CNTN4: variants seen among roughly 807,000 people sequenced by gnomAD.
CNTN4 encodes the protein contactin-4.
CNTN4 carries 77 observed loss-of-function variants against 122.5 expected under a neutral mutation model. The ratio of observed to expected loss-of-function variants is 0.63; its 90% CI spans 0.52 to 0.76. CNTN4 has a LOEUF of 0.76. Among genes scored for constraint, CNTN4 ranks in the 30% least tolerant of loss-of-function variants. The pLI is 0.00. For synonymous variants in CNTN4, 512 were observed against 447.0 expected (o/e 1.15, Z -1.83); for missense variants, 1,256 against 1,259.1 (o/e 1.00, Z 0.04).
At chr3:2,998,578 G>A (rs901117017) in intron 14 of CNTN4, among the ~76,000 whole-genome samples, 1 of 151,996 alleles carries the variant, frequency 6.6e-6, no homozygotes, top group African/African-American at 2.4e-5. Context: ...ACAAAGGGAG[G>A]CAAAACTAAC....
chr3:2,246,829 A>G (rs1559376371), intron 2 of CNTN4, among the ~76,000 whole-genome samples: 1 of 151,782 alleles, frequency 6.6e-6, no homozygotes, highest in Admixed American at 6.6e-5. Context: ...TCTCAGGGGG[A>G]TTCAGGGAAT....
chr3:2,702,820 C>G (rs1429023256), intron 4 of CNTN4, among the ~76,000 whole-genome samples: 2 of 152,158 alleles, frequency 1.3e-5, no homozygotes, highest in African/African-American at 4.8e-5. Context: ...ACAAATTGAG[C>G]ACATTAGGCT....
intron 4 of CNTN4, among the ~76,000 whole-genome samples, chr3:2,694,897 A>T (rs984667504): frequency 4.6e-5 from 7 of 151,944 alleles, no homozygotes; most frequent in African/African-American, 1.5e-4. Flanking sequence ...GTATACTTCA[A>T]CCCCTCTCTT....
chr3:2,311,870 A>G (rs1304897764), intron 2 of CNTN4, among the ~76,000 whole-genome samples: 1 of 152,150 alleles, frequency 6.6e-6, no homozygotes, highest in Non-Finnish European at 1.5e-5. Flanking sequence ...TCCTTCATTT[A>G]AAGATAAACA....
intron 2 of CNTN4, among the ~76,000 whole-genome samples, chr3:2,299,612 T>C (rs1408782982): frequency 1.3e-5 from 2 of 152,120 alleles, no homozygotes. Flanking sequence ...TTATTAAGTA[T>C]GTTTATTTTA....
At chr3:2,903,674 T>C (rs976199248) in intron 12 of CNTN4, among the ~76,000 whole-genome samples, 1 of 152,232 alleles carries the variant, frequency 6.6e-6, no homozygotes, top group Non-Finnish European at 1.5e-5. Context: ...TTGGGTCAAC[T>C]ATTCCTATTA....
intron 2 of CNTN4, among the ~76,000 whole-genome samples, chr3:2,296,958 T>C (rs942215752): frequency 3.9e-5 from 6 of 152,184 alleles, no homozygotes; most frequent in African/African-American, 1.4e-4. Flanking sequence ...AAGAACTAGG[T>C]GACATTAAAG....
intron 6 of CNTN4, among the ~76,000 whole-genome samples, chr3:2,769,520 A>G (rs1449213961): frequency 6.6e-6 from 1 of 151,934 alleles, no homozygotes; most frequent in Non-Finnish European, 1.5e-5. Flanking sequence ...ATTAAAGGAC[A>G]GTTTTTCTGT....
At chr3:2,706,761 G>A (rs2086765961) in intron 4 of CNTN4, among the ~76,000 whole-genome samples, 1 of 151,884 alleles carries the variant, frequency 6.6e-6, no homozygotes, top group Admixed American at 6.6e-5. Context: ...AAATTGCTAG[G>A]GTAAGAACTA....
At chr3:2,206,087 A>C (rs2038328830) in intron 2 of CNTN4, among the ~76,000 whole-genome samples, 2 of 152,060 alleles carry the variant, frequency 1.3e-5, no homozygotes, top group South Asian at 4.1e-4. Context: ...ACAAGCTCTT[A>C]CAATGTTCTT....
At chr3:2,738,122 T>C (rs971243042) in intron 5 of CNTN4, among the ~76,000 whole-genome samples, 1 of 152,010 alleles carries the variant, frequency 6.6e-6, no homozygotes, top group African/African-American at 2.4e-5. Flanking sequence ...CCAAACTAAT[T>C]GAAACTTTCA....
intron 4 of CNTN4, among the ~76,000 whole-genome samples, chr3:2,633,242 A>T (rs1306639543): frequency 6.6e-6 from 1 of 152,178 alleles, no homozygotes; most frequent in Non-Finnish European, 1.5e-5. Context: ...ATAAAACACA[A>T]CATAAATGAT....
At chr3:2,203,419 G>A (rs11921464) in intron 2 of CNTN4, among the ~76,000 whole-genome samples, 7,227 of 152,108 alleles carry the variant, frequency 0.048, 309 homozygotes, top group African/African-American at 0.12. Context: ...ATAATATCCA[G>A]ATTCTGCTTG....
intron 2 of CNTN4, among the ~76,000 whole-genome samples, chr3:2,117,957 CT>C (rs2033474343): frequency 6.6e-6 from 1 of 151,882 alleles, no homozygotes; most frequent in African/African-American, 2.4e-5. Context: ...TTTTAAATAT[CT>C]TTTTTTCTGA....
chr3:2,862,747 A>G (rs1297650044), intron 7 of CNTN4, among the ~76,000 whole-genome samples: 1 of 149,666 alleles, frequency 6.7e-6, no homozygotes, highest in Non-Finnish European at 1.5e-5. Context: ...GTTGCAGCAC[A>G]GAAAAGTTTA....
At chr3:2,192,313 C>T (rs892072922) in intron 2 of CNTN4, among the ~76,000 whole-genome samples, 11 of 152,038 alleles carry the variant, frequency 7.2e-5, no homozygotes, top group East Asian at 1.9e-4. Flanking sequence ...ACACTGTCTT[C>T]CACAATGGTT....
intron 4 of CNTN4, among the ~76,000 whole-genome samples, chr3:2,681,843 C>G (rs1224645801): frequency 6.6e-6 from 1 of 151,956 alleles, no homozygotes; most frequent in Non-Finnish European, 1.5e-5. Flanking sequence ...TCCTAAAATA[C>G]TGCTTAATTA....
chr3:2,154,323 T>C (rs1487442835), intron 2 of CNTN4, among the ~76,000 whole-genome samples: 1 of 151,634 alleles, frequency 6.6e-6, no homozygotes, highest in African/African-American at 2.4e-5. Context: ...GAGGTGGAGA[T>C]TGCAGTGAGC....
intron 13 of CNTN4, among the ~76,000 whole-genome samples, chr3:2,942,209 A>G (rs1398284901): frequency 2.0e-5 from 3 of 152,220 alleles, no homozygotes; most frequent in Non-Finnish European, 4.4e-5. Flanking sequence ...CACGAGGACT[A>G]GAGACTTCTC....
Sources: gnomAD v4.1 joint callset for allele counts (sites outside exome capture counted in the v4.1 genomes callset) on GRCh38, gnomAD v4.1.1 for gene constraint, MANE v1.5 for transcripts, NCBI Gene and HGNC (gene_info 2026-07-23, HGNC 2026-07-21) for gene names.